The following ORC4 variants were observed in gnomAD, a reference collection of about 807,000 sequenced individuals.
The protein encoded by ORC4 is origin recognition complex subunit 4.
Under a neutral mutation model 63.9 loss-of-function variants are expected in ORC4, and 55 were observed. The observed-to-expected ratio is 0.86, with a 90% confidence interval of 0.69 to 1.08. The LOEUF is 1.08. Ranked by LOEUF, ORC4 falls within the 50% of genes least tolerant of loss-of-function variation. ORC4 has a pLI of 0.00. For missense variants in ORC4, 511 were observed against 504.4 expected (o/e 1.01, Z -0.13); for synonymous variants, 150 against 168.5 (o/e 0.89, Z 0.85).
chr2:147,949,124 C>T (rs1269529843), intron 8 of ORC4, among the ~76,000 whole-genome samples: 1 of 131,422 alleles, frequency 7.6e-6, no homozygotes, highest in Non-Finnish European at 1.7e-5. Flanking sequence ...CAAATGAAAC[C>T]AGATAACCAC....
intron 8 of ORC4, among the ~76,000 whole-genome samples, chr2:147,950,061 G>A (rs1688869011): frequency 6.6e-6 from 1 of 152,046 alleles, no homozygotes; most frequent in Non-Finnish European, 1.5e-5. Context: ...AGGTGGGAGG[G>A]TGAATAAAAA....
chr2:147,967,769 T>A (rs2105337171), intron 4 of ORC4, among the ~76,000 whole-genome samples: 1 of 152,134 alleles, frequency 6.6e-6, no homozygotes, highest in Admixed American at 6.5e-5. Context: ...ATAACACTAA[T>A]GATATTCTTC....
rs561692727 is a variant in ORC4 at position 147,983,847 on chromosome 2, G to A, written c.-17-7872C>T. ...GATGTGTTTCAACATATGGGTCTTA[G>A]AGAAATTCAAGAGCTAACAGATACC... On this transcript the variant is annotated intron_variant, in intron 1 of 13. Transcript: ENST00000392857. 5.9e-5 allele frequency among the ~76,000 whole-genome samples: 9 copies of A among 152,296 alleles called. No individual in the cohort carries two copies. The South Asian group carries it at 1.9e-3, about 32-fold the overall frequency.
chr2:147,956,761 T>C (rs1689273861), intron 6 of ORC4, among the ~76,000 whole-genome samples: 1 of 152,070 alleles, frequency 6.6e-6, no homozygotes, highest in Admixed American at 6.6e-5. Flanking sequence ...ATAATCTCTA[T>C]ATATGATAAT....
intron 7 of ORC4, 50 bp downstream of exon 7, chr2:147,955,297 A>G: frequency 7.6e-7 from 1 of 1,310,458 alleles, no homozygotes; most frequent in Non-Finnish European, 1.1e-6. Flanking sequence ...TCAGGGAAAA[A>G]ATAAAGTTAA....
intron 8 of ORC4, among the ~76,000 whole-genome samples, chr2:147,951,029 G>A (rs192068939): frequency 4.0e-4 from 61 of 151,288 alleles, no homozygotes; most frequent in African/African-American, 1.4e-3. Flanking sequence ...AAAGATATGT[G>A]GAGCACCAGC....
rs1386030553 is a variant in ORC4, at chr2:147,935,355, A to C, written c.*155T>G. ...ATAAATCATGTAACTGTTCATGATTAAAAGGCAAGACACAGCCAAGACAGT... is the reference window on the plus strand; with the variant it reads ...ATAAATCATGTAACTGTTCATGATTCAAAGGCAAGACACAGCCAAGACAGT... On this transcript the variant is annotated 3_prime_UTR_variant, in exon 14 of 14. Coordinates refer to ENST00000392857, the MANE Select transcript of ORC4 (RefSeq NM_181741.4). The C allele has an allele frequency of 3.1e-6, 2 of 647,388 alleles. No individual in the cohort carries two copies. Among genetic ancestry groups the C allele is most frequent in the Admixed American group, 4.7e-5 (2 of 42,654 alleles). The allele number at this position is 647,388 out of a possible 1,614,324, so 40.1% of individuals were successfully genotyped here. A position where few individuals can be genotyped will look rare whatever the true frequency, so the allele number is the denominator to read the frequency against.
Position 147,974,044 on chromosome 2 carries a change from TA to T in ORC4, c.58-521del, listed in dbSNP as rs569046073. Among the ~76,000 whole-genome samples the T allele has an allele frequency of 1.4e-4, 22 of 152,228 alleles. No homozygotes were observed. The East Asian group carries it at 3.7e-3, about 25-fold the overall frequency. On this transcript the variant is annotated intron_variant, in intron 2 of 13. Coordinates refer to ENST00000392857, the MANE Select transcript of ORC4 (RefSeq NM_181741.4). ...TCAGATTTGGCCCCATGAACTGGAA[TA>T]AAAAGGCTCCAAGAATATTTGCTTC...
At chr2:147,950,161 T>C (rs895233220) in intron 8 of ORC4, among the ~76,000 whole-genome samples, 6 of 152,140 alleles carry the variant, frequency 3.9e-5, no homozygotes, top group Non-Finnish European at 5.9e-5. Flanking sequence ...GATTCAGATA[T>C]TGTACATTTA....
chr2:147,957,161 TTATA>T (rs907705842), intron 6 of ORC4, among the ~76,000 whole-genome samples: 8 of 147,544 alleles, frequency 5.4e-5, no homozygotes, highest in African/African-American at 2.0e-4. Context: ...TAAACTATAA[TTATA>T]TATAATCTAT....
At chr2:147,962,837 G>A (rs1689678029) in intron 4 of ORC4, among the ~76,000 whole-genome samples, 1 of 152,010 alleles carries the variant, frequency 6.6e-6, no homozygotes. Flanking sequence ...TTGCCCAGTG[G>A]TCCTGTGCCC....
chr2:147,985,880 T>C (rs1040716582), intron 1 of ORC4, among the ~76,000 whole-genome samples: 9 of 152,086 alleles, frequency 5.9e-5, no homozygotes, highest in Non-Finnish European at 5.9e-5. Flanking sequence ...GTTAGGTCTA[T>C]TGACTCCCAA....
intron 1 of ORC4, among the ~76,000 whole-genome samples, chr2:148,014,108 C>T (rs1385930270): frequency 6.6e-6 from 1 of 152,054 alleles, no homozygotes; most frequent in Non-Finnish European, 1.5e-5. Flanking sequence ...CTTTGACAGG[C>T]CAAGGCAGGA....
intron 1 of ORC4, among the ~76,000 whole-genome samples, chr2:147,994,352 T>G (rs970363296): frequency 2.6e-5 from 4 of 152,174 alleles, no homozygotes; most frequent in Non-Finnish European, 5.9e-5. Flanking sequence ...TATGACAAAC[T>G]GATTTTAAAG....
chr2:147,965,794 T>TCTC (rs1689861223), intron 4 of ORC4, among the ~76,000 whole-genome samples: 1 of 152,080 alleles, frequency 6.6e-6, no homozygotes, highest in Non-Finnish European at 1.5e-5. Context: ...CACAGAAGAT[T>TCTC]CTCCAAGACT....
At chr2:148,004,266 A>G (rs1192283489) in intron 1 of ORC4, among the ~76,000 whole-genome samples, 1 of 152,232 alleles carries the variant, frequency 6.6e-6, no homozygotes, top group Non-Finnish European at 1.5e-5. Flanking sequence ...AACTACTTTA[A>G]ATTTCATATG....
intron 10 of ORC4, among the ~76,000 whole-genome samples, chr2:147,940,320 A>G (rs1387558736): frequency 6.6e-6 from 1 of 152,078 alleles, no homozygotes; most frequent in Non-Finnish European, 1.5e-5. Context: ...GTAGTCTTTT[A>G]TCCCTCGCCC....
intron 6 of ORC4, among the ~76,000 whole-genome samples, chr2:147,955,916 A>G (rs1416798649): frequency 6.6e-6 from 1 of 152,000 alleles, no homozygotes; most frequent in Non-Finnish European, 1.5e-5. Context: ...GTGTTTGTCT[A>G]TTCAAGAGTA....
chr2:147,989,794 T>TATATCA (rs1691470699), intron 1 of ORC4, among the ~76,000 whole-genome samples: 1 of 152,180 alleles, frequency 6.6e-6, no homozygotes, highest in African/African-American at 2.4e-5. Flanking sequence ...AAGTTTTTCT[T>TATATCA]AGTTTGGAAT....
Sources: allele counts gnomAD v4.1 joint callset (sites outside exome capture counted in the v4.1 genomes callset), GRCh38; gene constraint gnomAD v4.1.1; transcripts MANE v1.5; gene names NCBI Gene and HGNC (gene_info 2026-07-23, HGNC 2026-07-21).